Variants in SUGP2 observed in about 807,000 individuals in gnomAD.
SUGP2 encodes SURP and G-patch domain-containing protein 2.
In SUGP2, 24 loss-of-function variants were observed where a neutral mutation model predicts 90.5. That is an observed-to-expected ratio of 0.27 (90% CI 0.19 to 0.37). The LOEUF is 0.37. Among genes scored for constraint, SUGP2 ranks in the 10% least tolerant of loss-of-function variants. The pLI, the probability that SUGP2 is intolerant of heterozygous loss-of-function variation, is 1.00. For missense variants in SUGP2, 1,233 were observed against 1,363.3 expected, an observed-to-expected ratio of 0.90 and a Z score of 1.51; for synonymous variants, 473 against 513.4, an observed-to-expected ratio of 0.92 and a Z score of 1.06.
intron 2 of SUGP2, 63 bp downstream of exon 2, chr19:19,030,888 T>A: frequency 6.5e-7 from 1 of 1,529,308 alleles, no homozygotes; most frequent in South Asian, 1.3e-5. Context: ...GTAATCTTCC[T>A]GCCTTGGCCC....
intron 6 of SUGP2, among the ~76,000 whole-genome samples, chr19:19,007,776 TGGA>T (rs1459301993): frequency 7.1e-6 from 1 of 140,456 alleles, no homozygotes; most frequent in Non-Finnish European, 1.6e-5. Flanking sequence ...TTTTTTTTTT[TGGA>T]GATGAAGTCT....
chr19:19,031,884 G>A (rs909652870), intron 1 of SUGP2, among the ~76,000 whole-genome samples: 3 of 143,182 alleles, frequency 2.1e-5, no homozygotes, highest in East Asian at 2.0e-4. Flanking sequence ...GGCTGGTCTC[G>A]AACTCCTGAC....
At chr19:19,002,380 C>CAA (rs1221407376) in intron 7 of SUGP2, among the ~76,000 whole-genome samples, 1 of 112,470 alleles carries the variant, frequency 8.9e-6, no homozygotes, top group Non-Finnish European at 1.8e-5. Context: ...GAGTCCATCT[C>CAA]AAAAAAAAAA....
At chr19:19,015,703 CTA>C in intron 4 of SUGP2, among the ~76,000 whole-genome samples, 1 of 152,246 alleles carries the variant, frequency 6.6e-6, no homozygotes, top group East Asian at 1.9e-4. Context: ...CACGGTTTCA[CTA>C]TGTTGGCCAG....
rs954218408 is a variant in SUGP2 at position 19,004,709 on chromosome 19, A to T, written c.2451-63T>A. 3 of 1,363,490 alleles carry T rather than the reference A, an allele frequency of 2.2e-6. No individual in the cohort carries two copies. The African/African-American group carries it at 4.3e-5, about 20-fold the overall frequency. The allele number at this position is 1,363,490 out of a possible 1,614,324, so 84.5% of individuals were successfully genotyped here. On this transcript the variant is annotated intron_variant, in intron 6 of 10. Transcript: ENST00000452918. ...AATCTCTCAACATTTTTATTTGCTG[A>T]AACTGCTGGGATTGATCCAAGGAAG...
chr19:19,004,686 T>C (rs2145392153), intron 6 of SUGP2, 40 bp from the exon 7 acceptor site: 2 of 1,469,452 alleles, frequency 1.4e-6, no homozygotes, highest in East Asian at 4.6e-5. Context: ...CCAGATGGAA[T>C]CTCTCAACAT....
At position 19,019,240 on chromosome 19, in the gene SUGP2, C is replaced by T. The variant is rs1458844469; in HGVS notation, c.1730-11G>A. 4.4e-6 allele frequency: 7 copies of T among 1,608,408 alleles called. No homozygotes were observed. Among genetic ancestry groups the T allele is most frequent in the Middle Eastern group, 1.7e-4 (1 of 5,964 alleles). On this transcript the variant is annotated splice_polypyrimidine_tract_variant and intron_variant, in intron 3 of 10. Coordinates refer to ENST00000452918, the MANE Select transcript of SUGP2 (RefSeq NM_001017392.5). The stretch of plus-strand genomic sequence containing the variant: ...CTCGCTGGGGGACAGCTGGAACACA[C>T]AGAACAGCTTCTCTGAGAAATATGC...
At chr19:18,995,472 G>A (rs1162823941) in intron 8 of SUGP2, among the ~76,000 whole-genome samples, 192 bp from the exon 9 acceptor site, 1 of 152,244 alleles carries the variant, frequency 6.6e-6, no homozygotes, top group Non-Finnish European at 1.5e-5. Context: ...TAAGTCAGAG[G>A]TCACTGGCCT....
rs765566197 is a variant in SUGP2, at chr19:19,022,063, C to T, written c.1729+2556G>A. Among the ~76,000 whole-genome samples the T allele has an allele frequency of 3.3e-5, 5 of 152,092 alleles. No individual in the cohort carries two copies. The South Asian group carries it at 6.2e-4, about 19-fold the overall frequency. ...GCAGTGGCAAGATCTCGGCTCACTG[C>T]AACCTCTGCCTCCTGGGTTCAAGCG... is the stretch of plus-strand genomic sequence containing the variant. On this transcript the variant is annotated intron_variant, in intron 3 of 10. Transcript: ENST00000452918.
chr19:18,994,802 C>T (rs1259661293), intron 9 of SUGP2: 10 of 528,000 alleles, frequency 1.9e-5, no homozygotes, highest in Admixed American at 3.4e-5. Flanking sequence ...GGCCTGTGTT[C>T]GGGACCCTGG....
chr19:19,032,156 C>CTTTTTTTTTTTTTTTTTTTTTTT (rs71168792), intron 1 of SUGP2, among the ~76,000 whole-genome samples: 1 of 143,678 alleles, frequency 7.0e-6, no homozygotes. Context: ...AGAGATCAAT[C>CTTTTTTTTTTTTTTTTTTTTTTT]TTTTTTTTTT....
intron 9 of SUGP2, 38 bp downstream of exon 9, chr19:18,995,106 G>GCCCCAC: frequency 2.9e-5 from 46 of 1,584,774 alleles, no homozygotes; most frequent in African/African-American, 4.0e-5. Context: ...AAGGACTGAG[G>GCCCCAC]CCCCACCCAC....
chr19:19,002,342 T>G (rs12978990), intron 7 of SUGP2, among the ~76,000 whole-genome samples: 34 of 151,148 alleles, frequency 2.2e-4, no homozygotes, highest in African/African-American at 8.0e-4. Flanking sequence ...ATTGTGCCAC[T>G]GCACTCCAGC....
Position 19,019,242 on chromosome 19 carries a change from G to A in SUGP2, c.1730-13C>T, listed in dbSNP as rs750808993. The A allele has an allele frequency of 2.1e-5, 33 of 1,605,186 alleles. No individual in the cohort carries two copies. The highest frequency in any genetic ancestry group is 2.6e-5 in the Non-Finnish European group (30 of 1,173,074). Reference sequence around the variant, plus strand: ...CGCTGGGGGACAGCTGGAACACACAGAACAGCTTCTCTGAGAAATATGCTG... The same window carrying A: ...CGCTGGGGGACAGCTGGAACACACAAAACAGCTTCTCTGAGAAATATGCTG... On this transcript the variant is annotated splice_polypyrimidine_tract_variant and intron_variant, in intron 3 of 10. Transcript: ENST00000452918.
intron 6 of SUGP2, among the ~76,000 whole-genome samples, chr19:19,007,620 A>G (rs945247584): frequency 1.3e-5 from 2 of 151,156 alleles, no homozygotes; most frequent in Admixed American, 6.6e-5. Flanking sequence ...ACACCCGGCT[A>G]ATTTTTTTTA....
intron 2 of SUGP2, 126 bp downstream of exon 2, chr19:19,030,825 C>T (rs1001034682): frequency 1.7e-6 from 2 of 1,161,476 alleles, no homozygotes; most frequent in African/African-American, 3.1e-5. Context: ...TTTACCTCCT[C>T]CTAAATAAGG....
intron 1 of SUGP2, among the ~76,000 whole-genome samples, chr19:19,032,419 A>G (rs554461640): frequency 2.0e-5 from 3 of 152,252 alleles, no homozygotes; most frequent in African/African-American, 4.8e-5. Flanking sequence ...TCGGCCTCCC[A>G]AAGTGCTGGG....
At position 19,029,506 on chromosome 19, in the gene SUGP2, T is replaced by C. The variant is rs999851971; in HGVS notation, c.121+1445A>G. Among the ~76,000 whole-genome samples the C allele has an allele frequency of 4.0e-4, 60 of 150,826 alleles. 1 individual carries two copies. Among genetic ancestry groups the C allele is most frequent in the African/African-American group, 1.5e-3 (60 of 41,092 alleles). On this transcript the variant is annotated intron_variant, in intron 2 of 10. Transcript: ENST00000452918. ...CAGGCTGGAGTGCAGTAGCGCAATCTTGGCTCACTGCAGGCTCCACCTCCC... is the reference window on the plus strand; with the variant it reads ...CAGGCTGGAGTGCAGTAGCGCAATCCTGGCTCACTGCAGGCTCCACCTCCC...
chr19:19,026,359 G>T, intron 2 of SUGP2, 133 bp from the exon 3 acceptor site: 3 of 834,026 alleles, frequency 3.6e-6, no homozygotes, highest in Non-Finnish European at 5.3e-6. Context: ...AGTGCTTTTT[G>T]CCAATCTGTA....
Sources: gnomAD v4.1 joint callset for allele counts (sites outside exome capture counted in the v4.1 genomes callset) on GRCh38, gnomAD v4.1.1 for gene constraint, MANE v1.5 for transcripts, NCBI Gene and HGNC (gene_info 2026-07-23, HGNC 2026-07-21) for gene names.